WNT7A: variants seen among roughly 807,000 people sequenced by gnomAD.
WNT7A encodes protein Wnt-7a.
In WNT7A, 16 loss-of-function variants were observed where a neutral mutation model predicts 28.2. The observed-to-expected ratio is 0.57, with a 90% CI of 0.38 to 0.86. The LOEUF (loss-of-function observed/expected upper bound fraction) is 0.86. Ranked by LOEUF, WNT7A falls within the 40% of genes least tolerant of loss-of-function variation. WNT7A has a pLI of 0.00. For synonymous variants in WNT7A, 190 were observed against 195.9 expected (o/e 0.97, Z 0.25); for missense variants, 411 against 489.7 (o/e 0.84, Z 1.52).
intron 2 of WNT7A, among the ~76,000 whole-genome samples, chr3:13,856,278 G>C (rs562414450): frequency 6.6e-6 from 1 of 152,216 alleles, no homozygotes; most frequent in Non-Finnish European, 1.5e-5. Flanking sequence ...TCTCCTGTCC[G>C]CATCTCAGTC....
chr3:13,847,538 G>A (rs545203818), intron 3 of WNT7A, among the ~76,000 whole-genome samples: 1 of 152,296 alleles, frequency 6.6e-6, no homozygotes, highest in South Asian at 2.1e-4. Flanking sequence ...CCTTGGCACT[G>A]TCCCGAGGCC....
At chr3:13,856,905 G>GAAGAAA (rs1694744607) in intron 2 of WNT7A, among the ~76,000 whole-genome samples, 2 of 65,940 alleles carry the variant, frequency 3.0e-5, no homozygotes, top group African/African-American at 7.3e-5. Flanking sequence ...AGAAGAAGAA[G>GAAGAAA]AAGAAGAAGA....
At chr3:13,866,814 T>A (rs576729343) in intron 2 of WNT7A, among the ~76,000 whole-genome samples, 75 of 152,152 alleles carry the variant, frequency 4.9e-4, no homozygotes, top group African/African-American at 1.8e-3. Context: ...ACGGAGAAGA[T>A]GTCATGCTGG....
chr3:13,843,361 T>A (rs1694492552), intron 3 of WNT7A, among the ~76,000 whole-genome samples: 1 of 152,106 alleles, frequency 6.6e-6, no homozygotes, highest in South Asian at 2.1e-4. Flanking sequence ...GCACAACAGC[T>A]CTGACAAGTA....
Position 13,817,302 on chromosome 3 carries a change from C to T in WNT7A, c.*1642G>A, listed in dbSNP as rs1946620. 0.46 allele frequency: 69,876 copies of T among 152,040 alleles called. 18,079 individuals are homozygous for T. The highest frequency in any genetic ancestry group is 0.71 in the African/African-American group (29,638 of 41,454). The allele number at this position is 152,040 out of a possible 1,614,324, so 9.4% of individuals were successfully genotyped here. A position where few individuals can be genotyped will look rare whatever the true frequency, so the allele number is the denominator to read the frequency against. The stretch of plus-strand genomic sequence containing the variant: ...CCTGAGACCTGATCTCCCAGGCACA[C>T]GGAGAGAAACAGACGCTTGGGTAGC... On this transcript the variant is annotated 3_prime_UTR_variant, in exon 4 of 4. Transcript: ENST00000285018.
intron 2 of WNT7A, among the ~76,000 whole-genome samples, chr3:13,860,976 A>G (rs141373164): frequency 3.3e-5 from 5 of 152,286 alleles, no homozygotes; most frequent in African/African-American, 1.2e-4. Flanking sequence ...TAGATCTACA[A>G]TATATGGCAA....
intron 2 of WNT7A, among the ~76,000 whole-genome samples, chr3:13,858,666 C>T (rs768878477): frequency 6.6e-6 from 1 of 152,150 alleles, no homozygotes; most frequent in African/African-American, 2.4e-5. Flanking sequence ...AGCTGGGCTT[C>T]CTCAGCACCC....
At chr3:13,854,839 C>A in intron 2 of WNT7A, 36 bp from the exon 3 acceptor site, 2 of 1,609,282 alleles carry the variant, frequency 1.2e-6, no homozygotes, top group South Asian at 2.2e-5. Context: ...AAGTTGGGGT[C>A]AGGTCCCAAG....
chr3:13,858,780 T>C (rs372962568), intron 2 of WNT7A, among the ~76,000 whole-genome samples: 7 of 152,104 alleles, frequency 4.6e-5, no homozygotes, highest in East Asian at 3.9e-4. Flanking sequence ...TAAAGTCCAG[T>C]CCTTCTGGAT....
At chr3:13,874,760 G>A (rs920013875) in intron 2 of WNT7A, among the ~76,000 whole-genome samples, 187 bp downstream of exon 2, 2 of 149,902 alleles carry the variant, frequency 1.3e-5, no homozygotes, top group Non-Finnish European at 3.0e-5. Flanking sequence ...CGATTGAGGG[G>A]GTATGGATTC....
intron 3 of WNT7A, among the ~76,000 whole-genome samples, chr3:13,834,573 T>C (rs571192899): frequency 5.9e-5 from 9 of 152,114 alleles, no homozygotes; most frequent in Non-Finnish European, 1.3e-4. Flanking sequence ...CACTCCATGC[T>C]GGTCACAGTG....
At chr3:13,856,208 G>T (rs1694727933) in intron 2 of WNT7A, among the ~76,000 whole-genome samples, 1 of 152,240 alleles carries the variant, frequency 6.6e-6, no homozygotes, top group Non-Finnish European at 1.5e-5. Flanking sequence ...TCTGGAGTCA[G>T]AATGCTTGGG....
intron 3 of WNT7A, among the ~76,000 whole-genome samples, chr3:13,820,979 G>T (rs372331031): frequency 7.9e-5 from 12 of 152,148 alleles, no homozygotes; most frequent in African/African-American, 2.9e-4. Context: ...CCCCCCACAC[G>T]CAGCCCATGC....
At chr3:13,856,960 A>AAGAAGAAGG (rs1360640702) in intron 2 of WNT7A, among the ~76,000 whole-genome samples, 35 of 117,536 alleles carry the variant, frequency 3.0e-4, no homozygotes, top group African/African-American at 1.4e-3. Flanking sequence ...GAAGAAGAAG[A>AAGAAGAAGG]AGAAGAAGGA....
At position 13,875,086 on chromosome 3, in the gene WNT7A, C is replaced by T. The variant is rs1318106936; in HGVS notation, c.159G>A (p.Gln53=). 1 of 1,614,244 alleles carries T rather than the reference C, an allele frequency of 6.2e-7. No homozygotes were observed. Among genetic ancestry groups the T allele is most frequent in the African/African-American group, 1.3e-5 (1 of 75,064 alleles). The part of the protein sequence containing the change: ...GLAPRQRAIC[Q]SRPDAIIVIG... ...TGACGATGATGGCGTCGGGCCGGCT[C>T]TGGCAGATCGCCCGCTGTCTGGGAG... is the stretch of plus-strand genomic sequence containing the variant. Residue 53 remains glutamine, a synonymous_variant, in exon 2 of 4, where the codon CAG becomes CAA. Coordinates refer to ENST00000285018, the MANE Select transcript of WNT7A (RefSeq NM_004625.4).
intron 3 of WNT7A, among the ~76,000 whole-genome samples, chr3:13,821,740 C>T (rs970038064): frequency 2.6e-5 from 4 of 152,184 alleles, no homozygotes; most frequent in African/African-American, 4.8e-5. Flanking sequence ...TGTTTAGGAG[C>T]CCATCCACCA....
At chr3:13,875,574 G>T (rs921302618) in intron 1 of WNT7A, among the ~76,000 whole-genome samples, 4 of 152,104 alleles carry the variant, frequency 2.6e-5, no homozygotes, top group Admixed American at 1.3e-4. Flanking sequence ...AAATTGTAAA[G>T]GCAAGCAAGG....
chr3:13,845,815 G>A lies in WNT7A; in HGVS notation c.570+8717C>T, dbSNP rs1456585992. Among the ~76,000 whole-genome samples, 4 of 152,242 alleles carry A rather than the reference G, an allele frequency of 2.6e-5. No individual in the cohort carries two copies. The South Asian group carries it at 6.2e-4, about 24-fold the overall frequency. ...GTCACCAAGAGTATGCCAGGCCCAG[G>A]CTGGGCTCTGAGAGACACCGAGGCG... On this transcript the variant is annotated intron_variant, in intron 3 of 3. Transcript: ENST00000285018.
chr3:13,879,288 C>T (rs1485064816), intron 1 of WNT7A, among the ~76,000 whole-genome samples: 3 of 152,216 alleles, frequency 2.0e-5, no homozygotes, highest in Admixed American at 1.3e-4. Flanking sequence ...CTGGGGACTG[C>T]CCAGTCTCTA....
Sources: gnomAD v4.1 joint callset for allele counts (sites outside exome capture counted in the v4.1 genomes callset) on GRCh38, gnomAD v4.1.1 for gene constraint, MANE v1.5 for transcripts, NCBI Gene and HGNC (gene_info 2026-07-23, HGNC 2026-07-21) for gene names.